GAS7: variants seen among roughly 807,000 people sequenced by gnomAD.
The protein encoded by GAS7 is growth arrest-specific protein 7.
GAS7 carries 28 observed loss-of-function variants against 71.1 expected under a neutral mutation model. That is an observed-to-expected ratio of 0.39 (90% CI 0.29 to 0.54). The LOEUF (loss-of-function observed/expected upper bound fraction) is 0.54, where lower values mean the gene tolerates loss of function less well. Ranked by LOEUF, GAS7 falls within the 20% of genes least tolerant of loss-of-function variation. The pLI, the probability that GAS7 is intolerant of heterozygous loss-of-function variation, is 0.62. For synonymous variants in GAS7, 258 were observed against 245.8 expected (o/e 1.05, Z -0.46); for missense variants, 436 against 627.8 (o/e 0.69, Z 3.27).
intron 4 of GAS7, among the ~76,000 whole-genome samples, chr17:9,961,175 A>G (rs1447094561): frequency 6.6e-6 from 1 of 152,172 alleles, no homozygotes; most frequent in Non-Finnish European, 1.5e-5. Flanking sequence ...AGTGACCCCA[A>G]CGGGCTCCTG....
intron 9 of GAS7, among the ~76,000 whole-genome samples, chr17:9,929,683 T>C (rs2068139830): frequency 6.6e-6 from 1 of 152,076 alleles, no homozygotes; most frequent in Non-Finnish European, 1.5e-5. Context: ...TTCACCATGT[T>C]AGCCAGGATG....
intron 1 of GAS7, among the ~76,000 whole-genome samples, chr17:10,189,970 AAAG>A (rs2074485435): frequency 6.6e-6 from 1 of 152,136 alleles, no homozygotes; most frequent in Non-Finnish European, 1.5e-5. Flanking sequence ...AAACAAATCA[AAAG>A]AAGAATAATA....
In GAS7 at chr17:10,158,068, C is replaced by A. The variant is rs78624212; in HGVS notation, c.183+40140G>T. On this transcript the variant is annotated intron_variant, in intron 1 of 13. Coordinates refer to ENST00000432992, the MANE Select transcript of GAS7 (RefSeq NM_201433.2). ...CTCTGTCACCCAGGCTGGAGTGCAG[C>A]GGCACAATCTCGGCTCACTGCAAGC... Among the ~76,000 whole-genome samples, 16 of 151,940 alleles carry A rather than the reference C, an allele frequency of 1.1e-4. 1 individual carries two copies. Among genetic ancestry groups the A allele is most frequent in the Admixed American group, 6.6e-5 (1 of 15,264 alleles).
At chr17:9,933,690 A>C (rs2068287383) in intron 9 of GAS7, among the ~76,000 whole-genome samples, 1 of 152,004 alleles carries the variant, frequency 6.6e-6, no homozygotes, top group Admixed American at 6.6e-5. Flanking sequence ...CAAATAAATA[A>C]AAAAATTACC....
rs555690039 is a variant in GAS7 at position 10,154,570 on chromosome 17, T to C, written c.183+43638A>G. 3.3e-5 allele frequency among the ~76,000 whole-genome samples: 5 copies of C among 151,952 alleles called. No individual in the cohort carries two copies. The South Asian group carries it at 8.3e-4, about 25-fold the overall frequency. ...GCTGACGCTTGTAATCCCATCACTT[T>C]GGGAGGCTGAGGCCAGAGGATCACT... is the stretch of plus-strand genomic sequence containing the variant. On this transcript the variant is annotated intron_variant, in intron 1 of 13. Coordinates refer to ENST00000432992, the MANE Select transcript of GAS7 (RefSeq NM_201433.2).
At chr17:10,009,048 C>T (rs934287735) in intron 2 of GAS7, among the ~76,000 whole-genome samples, 3 of 152,120 alleles carry the variant, frequency 2.0e-5, no homozygotes, top group Non-Finnish European at 2.9e-5. Context: ...GGGCCGGGCG[C>T]GGTGGCTCAC....
intron 3 of GAS7, among the ~76,000 whole-genome samples, chr17:9,977,335 C>A (rs1471234427): frequency 3.9e-5 from 6 of 152,230 alleles, no homozygotes; most frequent in Admixed American, 3.3e-4. Context: ...GAGGGTTCTA[C>A]TGGACAACAC....
In GAS7 at chr17:10,198,547, G is replaced by C; in HGVS notation, c.-157C>G. ...TGCGCGGGGGTCCTCAGGCAGGCGG[G>C]GGACGCGCGCTCCGCGCCGGGAAGC... On this transcript the variant is annotated 5_prime_UTR_variant, in exon 1 of 14. Transcript: ENST00000432992. 2 of 417,870 alleles carry C rather than the reference G, an allele frequency of 4.8e-6. No homozygotes were observed. Among genetic ancestry groups the C allele is most frequent in the Non-Finnish European group, 8.1e-6 (2 of 246,598 alleles). The allele number at this position is 417,870 out of a possible 1,614,324, so 25.9% of individuals were successfully genotyped here. A position where few individuals can be genotyped will look rare whatever the true frequency, so the allele number is the denominator to read the frequency against.
intron 1 of GAS7, among the ~76,000 whole-genome samples, chr17:10,111,611 G>T (rs1026945900): frequency 6.6e-6 from 1 of 151,928 alleles, no homozygotes; most frequent in East Asian, 1.9e-4. Flanking sequence ...TTGAACCCAG[G>T]AGGCAGAGGG....
intron 5 of GAS7, among the ~76,000 whole-genome samples, chr17:9,951,342 C>T (rs1427164489): frequency 2.6e-5 from 4 of 152,330 alleles, no homozygotes; most frequent in South Asian, 2.1e-4. Context: ...TACTCAGAGG[C>T]GGGTCTGAAT....
At chr17:10,111,748 G>C (rs978470482) in intron 1 of GAS7, among the ~76,000 whole-genome samples, 1 of 152,158 alleles carries the variant, frequency 6.6e-6, no homozygotes, top group Non-Finnish European at 1.5e-5. Flanking sequence ...TCCTTGGTGG[G>C]TCTGGCAGCC....
Position 9,959,380 on chromosome 17 carries a change from C to A in GAS7, c.472-125G>T. On this transcript the variant is annotated intron_variant, in intron 4 of 13. Coordinates refer to ENST00000432992, the MANE Select transcript of GAS7 (RefSeq NM_201433.2). This position sits in a 1 kb window ranked among gnomAD's most constrained non-coding sequence, Gnocchi z 5.0. ...GGGATGCTCAGTCTGAATCCTAAGT[C>A]ACCATATTCTGGGCCAGGGCAAGCA... 1 of 1,532,336 alleles carries A rather than the reference C, an allele frequency of 6.5e-7. No homozygotes were observed. Among genetic ancestry groups the A allele is most frequent in the South Asian group, 1.2e-5 (1 of 81,580 alleles). The allele number at this position is 1,532,336 out of a possible 1,614,324, so 94.9% of individuals were successfully genotyped here.
At chr17:9,973,053 G>A (rs149692833) in intron 3 of GAS7, among the ~76,000 whole-genome samples, 252 of 152,192 alleles carry the variant, frequency 1.7e-3, no homozygotes, top group African/African-American at 5.5e-3. Context: ...AAAGAAAACA[G>A]GAGAACGGAA....
At chr17:9,982,261 T>G (rs1448839872) in intron 2 of GAS7, among the ~76,000 whole-genome samples, 1 of 152,170 alleles carries the variant, frequency 6.6e-6, no homozygotes, top group East Asian at 1.9e-4. Flanking sequence ...CCTGGAACCC[T>G]GAAGTTGCCA....
At chr17:10,009,655 T>C (rs1404948844) in intron 2 of GAS7, among the ~76,000 whole-genome samples, 2 of 120,424 alleles carry the variant, frequency 1.7e-5, no homozygotes, top group East Asian at 2.3e-4. Flanking sequence ...CTGGGCAATA[T>C]AGCAAGACCC....
At chr17:9,958,706 C>T (rs1484095436) in intron 5 of GAS7, among the ~76,000 whole-genome samples, 5 of 152,166 alleles carry the variant, frequency 3.3e-5, no homozygotes, top group African/African-American at 9.7e-5. Context: ...CATCTCGAAG[C>T]GCCCTGGGAG....
intron 2 of GAS7, among the ~76,000 whole-genome samples, chr17:9,982,837 GAAAGA>G (rs1209273477): frequency 2.1e-5 from 3 of 142,938 alleles, no homozygotes; most frequent in Non-Finnish European, 4.6e-5. Flanking sequence ...AAGAAAGAAA[GAAAGA>G]AAGAAAGAAA....
At chr17:10,160,710 T>C (rs2074247344) in intron 1 of GAS7, among the ~76,000 whole-genome samples, 1 of 152,190 alleles carries the variant, frequency 6.6e-6, no homozygotes, top group Non-Finnish European at 1.5e-5. Flanking sequence ...GTGCTTTGCT[T>C]GTCGTTTATT....
chr17:10,095,848 C>T lies in GAS7; in HGVS notation c.184-75951G>A, dbSNP rs144359475. ...GTTCTCAGATCTTAACACCTCTGCC[C>T]GTGTGCTCCATCCCCTACAAACAGC... is the stretch of plus-strand genomic sequence containing the variant. On this transcript the variant is annotated intron_variant, in intron 1 of 13. Coordinates refer to ENST00000432992, the MANE Select transcript of GAS7 (RefSeq NM_201433.2). Among the ~76,000 whole-genome samples, 462 of 152,168 alleles carry T rather than the reference C, an allele frequency of 3.0e-3. 2 individuals are homozygous for T. The highest frequency in any genetic ancestry group is 9.3e-3 in the African/African-American group (386 of 41,526).
Sources: gnomAD v4.1 joint callset for allele counts (sites outside exome capture counted in the v4.1 genomes callset) on GRCh38, gnomAD v4.1.1 for gene constraint, Gnocchi (gnomAD v3.1) non-coding constraint, MANE v1.5 for transcripts, NCBI Gene and HGNC (gene_info 2026-07-23, HGNC 2026-07-21) for gene names.